Variants in DISP1 observed in about 807,000 individuals in gnomAD.
DISP1 encodes the protein protein dispatched homolog 1.
A neutral mutation model predicts 37.3 loss-of-function variants in DISP1; 30 were observed. That is an observed-to-expected ratio of 0.80 (90% CI 0.60 to 1.09). The LOEUF is 1.09. Ranked by LOEUF, DISP1 falls within the 50% of genes least tolerant of loss-of-function variation. The pLI is 0.00. For missense variants in DISP1, 1,598 were observed against 1,879.5 expected (o/e 0.85, Z 2.77); for synonymous variants, 634 against 690.2 (o/e 0.92, Z 1.28).
At chr1:222,999,890 A>G (rs1217102949) in intron 8 of DISP1, among the ~76,000 whole-genome samples, 1 of 152,178 alleles carries the variant, frequency 6.6e-6, no homozygotes, top group South Asian at 2.1e-4. Flanking sequence ...TTGACCATCA[A>G]TCAGTACCAT....
rs1410114477 is a variant in DISP1 at position 222,925,918 on chromosome 1, A to G, written c.-158-2512A>G. Among the ~76,000 whole-genome samples the G allele has an allele frequency of 3.3e-5, 5 of 152,162 alleles. No individual in the cohort carries two copies. In the East Asian group the frequency reaches 7.7e-4, roughly 23 times the overall value. Reference sequence around the variant, plus strand: ...ACTTTATACCTTCCTTATTTTTGAAATTGGGATATAAGTCACATCCGAAAA... The same window carrying G: ...ACTTTATACCTTCCTTATTTTTGAAGTTGGGATATAAGTCACATCCGAAAA... On this transcript the variant is annotated intron_variant, in intron 1 of 8. Coordinates refer to ENST00000675850, the MANE Select transcript of DISP1 (RefSeq NM_001377229.1).
chr1:222,871,249 G>A (rs1158289586), intron 1 of DISP1, among the ~76,000 whole-genome samples: 2 of 152,098 alleles, frequency 1.3e-5, no homozygotes, highest in African/African-American at 4.8e-5. Flanking sequence ...TGTTCTTTTG[G>A]CTTAGGATTG....
chr1:222,978,572 G>A (rs1273228297), intron 3 of DISP1, among the ~76,000 whole-genome samples: 1 of 152,148 alleles, frequency 6.6e-6, no homozygotes, highest in Non-Finnish European at 1.5e-5. Context: ...TGCTTTTGGT[G>A]TTTTAGACAT....
At chr1:222,920,315 T>C (rs2125439981) in intron 1 of DISP1, among the ~76,000 whole-genome samples, 1 of 152,254 alleles carries the variant, frequency 6.6e-6, no homozygotes, top group African/African-American at 2.4e-5. Flanking sequence ...AAAAGTAAAA[T>C]ATTACATTTT....
chr1:222,957,208 G>C (rs1019095011), intron 3 of DISP1, among the ~76,000 whole-genome samples: 5 of 150,752 alleles, frequency 3.3e-5, no homozygotes, highest in African/African-American at 1.2e-4. Context: ...CATTGTATGG[G>C]AGGACCAGAG....
chr1:222,858,724 TA>T (rs367810671), intron 1 of DISP1, among the ~76,000 whole-genome samples: 57 of 109,098 alleles, frequency 5.2e-4, no homozygotes, highest in African/African-American at 1.5e-3. Context: ...ACAAACTTTT[TA>T]AAAAAAAGCT....
intron 1 of DISP1, among the ~76,000 whole-genome samples, chr1:222,924,713 A>G (rs1461778087): frequency 6.6e-6 from 1 of 152,146 alleles, no homozygotes; most frequent in Non-Finnish European, 1.5e-5. Context: ...ACAATGTACC[A>G]CAGTTTACTT....
At chr1:222,862,891 T>C (rs1668965951) in intron 1 of DISP1, among the ~76,000 whole-genome samples, 1 of 152,156 alleles carries the variant, frequency 6.6e-6, no homozygotes, top group South Asian at 2.1e-4. Flanking sequence ...GATCACACAT[T>C]CCAGGTAAGT....
At chr1:222,933,055 T>G (rs138216308) in intron 2 of DISP1, among the ~76,000 whole-genome samples, 79 of 152,094 alleles carry the variant, frequency 5.2e-4, no homozygotes, top group South Asian at 1.7e-3. Context: ...CACTCACCTC[T>G]ACATATGAAA....
chr1:222,973,515 A>G (rs1233018842), intron 3 of DISP1, among the ~76,000 whole-genome samples: 2 of 152,160 alleles, frequency 1.3e-5, no homozygotes, highest in Non-Finnish European at 2.9e-5. Flanking sequence ...ATGAATGTGT[A>G]CTCACATTGT....
chr1:222,926,997 A>T (rs1388190311), intron 1 of DISP1, among the ~76,000 whole-genome samples: 3 of 152,134 alleles, frequency 2.0e-5, no homozygotes, highest in Admixed American at 6.6e-5. Flanking sequence ...ATAGTGAATA[A>T]TCATATTTGC....
intron 1 of DISP1, among the ~76,000 whole-genome samples, chr1:222,886,353 A>T (rs1670602406): frequency 1.3e-5 from 2 of 152,240 alleles, no homozygotes; most frequent in Non-Finnish European, 2.9e-5. Flanking sequence ...CTAGTTTCAT[A>T]TGCTGTCGGG....
intron 2 of DISP1, among the ~76,000 whole-genome samples, chr1:222,940,505 C>T (rs1475326559): frequency 1.3e-5 from 2 of 152,198 alleles, no homozygotes; most frequent in African/African-American, 4.8e-5. Context: ...CAAACCCTAT[C>T]AGCCAGTTTC....
At position 223,004,138 on chromosome 1, in the gene DISP1, T is replaced by G. The variant is rs1400171455; in HGVS notation, c.2741T>G (p.Phe914Cys). 6.2e-7 allele frequency: 1 copy of G among 1,614,146 alleles called. No homozygotes were observed. The highest frequency in any genetic ancestry group is 8.5e-7 in the Non-Finnish European group (1 of 1,180,000). The change falls in exon 9 of 9, where the codon TTT becomes TGT. Residue 914 changes from phenylalanine (F) to cysteine (C), a missense_variant. Coordinates refer to ENST00000675850, the MANE Select transcript of DISP1 (RefSeq NM_001377229.1). This position sits in a 1 kb window ranked among gnomAD's most constrained non-coding sequence, Gnocchi z 4.9. Reference sequence around the variant, plus strand: ...GATAGCAAAACCCCAGGGCCGAGGTTTGATATCAATGATACTATCAGGGCA... The same window carrying G: ...GATAGCAAAACCCCAGGGCCGAGGTGTGATATCAATGATACTATCAGGGCA... ...HLDSKTPGPR[F>C]DINDTIRAVV... is the part of the protein sequence containing the mutation.
chr1:222,926,571 T>C (rs753446147), intron 1 of DISP1, among the ~76,000 whole-genome samples: 1 of 152,182 alleles, frequency 6.6e-6, no homozygotes, highest in African/African-American at 2.4e-5. Flanking sequence ...TTGATCAATA[T>C]ATAACCTTGT....
At chr1:222,858,428 C>T (rs1042044509) in intron 1 of DISP1, among the ~76,000 whole-genome samples, 1 of 151,982 alleles carries the variant, frequency 6.6e-6, no homozygotes, top group Non-Finnish European at 1.5e-5. Context: ...AGGCAAAGAT[C>T]CCATGATGAA....
intron 1 of DISP1, among the ~76,000 whole-genome samples, chr1:222,887,038 A>G (rs146940709): frequency 2.6e-5 from 4 of 152,340 alleles, no homozygotes; most frequent in African/African-American, 7.2e-5. Context: ...ACATAAACAC[A>G]AAGTTTGTGA....
chr1:222,894,545 G>C (rs900706133), intron 1 of DISP1, among the ~76,000 whole-genome samples: 2 of 152,232 alleles, frequency 1.3e-5, no homozygotes, highest in Non-Finnish European at 2.9e-5. Flanking sequence ...AGTGCTGGGA[G>C]CAGGGAGCAG....
At chr1:222,936,766 AAT>A (rs1491198440) in intron 2 of DISP1, among the ~76,000 whole-genome samples, 2 of 74,810 alleles carry the variant, frequency 2.7e-5, no homozygotes, top group African/African-American at 1.1e-4. Flanking sequence ...GATATATAAA[AAT>A]TATATATATC....
Sources: allele counts gnomAD v4.1 joint callset (sites outside exome capture counted in the v4.1 genomes callset), GRCh38; gene constraint gnomAD v4.1.1; non-coding constraint Gnocchi (gnomAD v3.1); transcripts MANE v1.5; gene names NCBI Gene and HGNC (gene_info 2026-07-23, HGNC 2026-07-21).